FGF12: variants seen among roughly 807,000 people sequenced by gnomAD.
The protein encoded by FGF12 is fibroblast growth factor 12B.
FGF12 carries 14 observed loss-of-function variants against 23.6 expected under a neutral mutation model. That is an observed-to-expected ratio of 0.59 (90% CI 0.39 to 0.93). FGF12 has a LOEUF of 0.93. FGF12 is among the 40% of genes least tolerant of loss of function. The probability of loss-of-function intolerance (pLI) is 0.00; values close to 1 mark genes in which losing one functional copy is unlikely to be tolerated. For synonymous variants in FGF12, 62 were observed against 77.3 expected (o/e 0.80, Z 1.04); for missense variants, 175 against 217.8 (o/e 0.80, Z 1.24).
At chr3:192,311,624 G>C (rs972896609) in intron 4 of FGF12, among the ~76,000 whole-genome samples, 2 of 152,150 alleles carry the variant, frequency 1.3e-5, no homozygotes, top group Non-Finnish European at 2.9e-5. Context: ...AAGAGTCTTT[G>C]TGTAGACATA....
At chr3:192,277,755 C>T (rs1187764346) in intron 4 of FGF12, among the ~76,000 whole-genome samples, 1 of 152,092 alleles carries the variant, frequency 6.6e-6, no homozygotes, top group Non-Finnish European at 1.5e-5. Context: ...ATCCCGTACA[C>T]ATACATTTCC....
intron 2 of FGF12, among the ~76,000 whole-genome samples, chr3:192,390,003 G>T (rs1294964396): frequency 1.3e-5 from 2 of 152,176 alleles, no homozygotes. Context: ...ACTCATAGTC[G>T]CTGACTTAGT....
intron 2 of FGF12, among the ~76,000 whole-genome samples, chr3:192,621,690 CAAAAAAAAAA>C (rs5855441): frequency 0.03 from 2,850 of 94,384 alleles, 133 homozygotes; most frequent in African/African-American, 0.11. Context: ...GATACAAATA[CAAAAAAAAAA>C]AAAAAAAAAA....
chr3:192,245,802 C>T (rs192988926), intron 4 of FGF12, among the ~76,000 whole-genome samples: 1 of 152,196 alleles, frequency 6.6e-6, no homozygotes, highest in Non-Finnish European at 1.5e-5. Flanking sequence ...TCAGAGAGGG[C>T]TTTACAAAAC....
chr3:192,225,883 G>A (rs77208816), intron 4 of FGF12, among the ~76,000 whole-genome samples: 2,178 of 152,248 alleles, frequency 0.014, 41 homozygotes, highest in East Asian at 0.051. Context: ...TTCTACTTAC[G>A]TGAAATGTGC....
At chr3:192,397,578 G>C (rs972404734) in intron 2 of FGF12, among the ~76,000 whole-genome samples, 2 of 152,042 alleles carry the variant, frequency 1.3e-5, no homozygotes, top group Non-Finnish European at 2.9e-5. Context: ...GAGAAACTTG[G>C]GTTTCCATAG....
chr3:192,182,852 G>A (rs754120328), intron 4 of FGF12, among the ~76,000 whole-genome samples: 2 of 152,182 alleles, frequency 1.3e-5, no homozygotes, highest in Admixed American at 1.3e-4. Context: ...CATTTCACCT[G>A]CGAATATGCA....
intron 2 of FGF12, among the ~76,000 whole-genome samples, chr3:192,642,826 A>T (rs1205244773): frequency 3.3e-5 from 5 of 152,254 alleles, no homozygotes; most frequent in African/African-American, 9.6e-5. Flanking sequence ...ATGATGAAGC[A>T]CATCACTGCT....
chr3:192,317,209 G>A (rs901897559), intron 4 of FGF12, among the ~76,000 whole-genome samples: 1 of 151,874 alleles, frequency 6.6e-6, no homozygotes, highest in East Asian at 1.9e-4. Context: ...AGAGGAAAGA[G>A]TAAGGGGGGC....
chr3:192,584,715 G>A (rs1287590868), intron 2 of FGF12, among the ~76,000 whole-genome samples: 1 of 152,070 alleles, frequency 6.6e-6, no homozygotes, highest in African/African-American at 2.4e-5. Context: ...TGTATTGTCT[G>A]ATCCTCAGGC....
intron 2 of FGF12, among the ~76,000 whole-genome samples, chr3:192,593,333 T>C (rs556931879): frequency 6.6e-6 from 1 of 151,928 alleles, no homozygotes; most frequent in South Asian, 2.1e-4. Context: ...TCTTCCCTCA[T>C]GATCATACGT....
At chr3:192,481,290 T>A (rs1723472250) in intron 2 of FGF12, among the ~76,000 whole-genome samples, 1 of 151,902 alleles carries the variant, frequency 6.6e-6, no homozygotes, top group South Asian at 2.1e-4. Flanking sequence ...AGAGCATAAA[T>A]AGCTTGGATG....
intron 2 of FGF12, among the ~76,000 whole-genome samples, chr3:192,393,053 G>GAGTAT (rs1720376087): frequency 6.6e-6 from 1 of 152,160 alleles, no homozygotes; most frequent in Non-Finnish European, 1.5e-5. Context: ...CTCTATTTAT[G>GAGTAT]AGTATTCATA....
intron 5 of FGF12, among the ~76,000 whole-genome samples, chr3:192,146,965 T>A (rs148833069): frequency 2.9e-4 from 44 of 152,314 alleles, no homozygotes; most frequent in Admixed American, 6.5e-4. Flanking sequence ...AGTAATAAAA[T>A]TAACGGTTTT....
intron 4 of FGF12, among the ~76,000 whole-genome samples, chr3:192,239,543 A>T (rs139707727): frequency 1.3e-5 from 2 of 152,270 alleles, no homozygotes; most frequent in African/African-American, 4.8e-5. Context: ...GCCTGTTAGG[A>T]ACTGGTCACA....
chr3:192,425,550 G>T lies in FGF12; in HGVS notation c.14-65012C>A, dbSNP rs185049286. 2.0e-5 allele frequency among the ~76,000 whole-genome samples: 3 copies of T among 152,286 alleles called. No homozygotes were observed. The East Asian group carries it at 5.8e-4, about 29-fold the overall frequency. On this transcript the variant is annotated intron_variant, in intron 2 of 5. Transcript: ENST00000445105. The stretch of plus-strand genomic sequence containing the variant: ...ATCATTTCTCATATGTCAAACTCAT[G>T]ATTAATAAAATTAAATCAATCAAAC...
intron 4 of FGF12, among the ~76,000 whole-genome samples, chr3:192,306,430 C>A (rs1284378588): frequency 6.6e-6 from 1 of 152,052 alleles, no homozygotes; most frequent in Admixed American, 6.6e-5. Flanking sequence ...CATCATTTTT[C>A]TGGGTGGCAT....
chr3:192,462,985 C>T (rs919884990), intron 2 of FGF12, among the ~76,000 whole-genome samples: 2 of 152,062 alleles, frequency 1.3e-5, no homozygotes, highest in Admixed American at 6.5e-5. Context: ...CATGCTCATG[C>T]TATTGTGTCA....
At chr3:192,528,799 AC>A (rs1725015879) in intron 2 of FGF12, among the ~76,000 whole-genome samples, 1 of 152,108 alleles carries the variant, frequency 6.6e-6, no homozygotes, top group African/African-American at 2.4e-5. Context: ...TGAGTCTTGC[AC>A]CCTCTGAAGT....
Sources: gnomAD v4.1 joint callset for allele counts (sites outside exome capture counted in the v4.1 genomes callset) on GRCh38, gnomAD v4.1.1 for gene constraint, MANE v1.5 for transcripts, NCBI Gene and HGNC (gene_info 2026-07-23, HGNC 2026-07-21) for gene names.